The following SKAP1 variants were observed in gnomAD, a reference collection of about 807,000 sequenced individuals.
The protein encoded by SKAP1 is src kinase associated phosphoprotein 1, also known as src kinase-associated phosphoprotein 1.
A neutral mutation model predicts 58.5 loss-of-function variants in SKAP1; 44 were observed. That is an observed-to-expected ratio of 0.75 (90% CI 0.59 to 0.97). The LOEUF is 0.97. Ranked by LOEUF, SKAP1 falls within the 50% of genes least tolerant of loss-of-function variation. The probability of loss-of-function intolerance (pLI) is 0.00; values close to 1 mark genes in which losing one functional copy is unlikely to be tolerated. For missense variants in SKAP1, 390 were observed against 435.2 expected, an observed-to-expected ratio of 0.90 and a Z score of 0.92; for synonymous variants, 127 against 149.7, an observed-to-expected ratio of 0.85 and a Z score of 1.11.
chr17:48,439,321 C>A, the SKAP1 span, among the ~76,000 whole-genome samples: 1 of 152,238 alleles, frequency 6.6e-6, no homozygotes, highest in Non-Finnish European at 1.5e-5. Flanking sequence ...TGAGGCCATC[C>A]ACTTAATGAC....
At chr17:48,346,118 T>A in intron 3 of SKAP1, 112 bp from the exon 4 acceptor site, 1 of 558,916 alleles carries the variant, frequency 1.8e-6, no homozygotes. Flanking sequence ...GAAAAAAAAG[T>A]GTATCTTTTA....
intron 2 of SKAP1, among the ~76,000 whole-genome samples, chr17:48,369,771 C>A (rs2067059754): frequency 6.6e-6 from 1 of 152,166 alleles, no homozygotes; most frequent in Admixed American, 6.5e-5. Flanking sequence ...ACTTACCCAT[C>A]ATAAGAAAGC....
chr17:48,272,786 A>C (rs530821446), intron 4 of SKAP1, among the ~76,000 whole-genome samples: 1 of 152,094 alleles, frequency 6.6e-6, no homozygotes, highest in Admixed American at 6.5e-5. Flanking sequence ...CGAACTCCTG[A>C]GCTCAAGCGA....
intron 4 of SKAP1, among the ~76,000 whole-genome samples, chr17:48,286,922 CCT>C (rs1381649291): frequency 6.6e-6 from 1 of 152,032 alleles, no homozygotes; most frequent in Non-Finnish European, 1.5e-5. Flanking sequence ...ATAGTGAAAC[CCT>C]GTCTCTACTA....
At chr17:48,315,277 G>A (rs545468777) in intron 4 of SKAP1, among the ~76,000 whole-genome samples, 1 of 152,300 alleles carries the variant, frequency 6.6e-6, no homozygotes, top group South Asian at 2.1e-4. Flanking sequence ...GGTTGAGCAT[G>A]CTCTGAAATG....
At chr17:48,356,578 G>T (rs1270380255) in intron 3 of SKAP1, among the ~76,000 whole-genome samples, 2 of 151,970 alleles carry the variant, frequency 1.3e-5, no homozygotes, top group Non-Finnish European at 2.9e-5. Context: ...CTGTGTGTGT[G>T]GCATATGTAT....
chr17:48,253,774 G>A (rs2065393736), intron 4 of SKAP1, among the ~76,000 whole-genome samples: 1 of 152,088 alleles, frequency 6.6e-6, no homozygotes, highest in Non-Finnish European at 1.5e-5. Flanking sequence ...CCAAGGGGAG[G>A]AAAGGACCAG....
intron 4 of SKAP1, among the ~76,000 whole-genome samples, chr17:48,202,888 G>A (rs575028340): frequency 6.6e-6 from 1 of 152,270 alleles, no homozygotes. Context: ...CTGCTACACT[G>A]TGGTTGGATG....
chr17:48,401,923 GTAA>G (rs1386226776), intron 1 of SKAP1, among the ~76,000 whole-genome samples: 2 of 152,112 alleles, frequency 1.3e-5, no homozygotes, highest in Non-Finnish European at 2.9e-5. Flanking sequence ...TTATATTTCA[GTAA>G]TAATAAGACA....
At chr17:48,342,482 T>TACTGCC (rs1412685077) in intron 4 of SKAP1, among the ~76,000 whole-genome samples, 2 of 127,174 alleles carry the variant, frequency 1.6e-5, no homozygotes, top group African/African-American at 6.8e-5. Context: ...GCAGCATGCT[T>TACTGCC]CTATATTCTT....
At chr17:48,386,396 A>C (rs2067277295) in intron 2 of SKAP1, among the ~76,000 whole-genome samples, 1 of 151,466 alleles carries the variant, frequency 6.6e-6, no homozygotes, top group Non-Finnish European at 1.5e-5. Context: ...AGTTCTGAGA[A>C]ACTGAATTTA....
intron 1 of SKAP1, among the ~76,000 whole-genome samples, chr17:48,417,298 TA>T (rs1598680423): frequency 6.6e-6 from 1 of 152,148 alleles, no homozygotes; most frequent in East Asian, 1.9e-4. Flanking sequence ...AAAATGAAAA[TA>T]CCTATATACT....
At chr17:48,279,694 T>A (rs1471591553) in intron 4 of SKAP1, among the ~76,000 whole-genome samples, 1 of 152,228 alleles carries the variant, frequency 6.6e-6, no homozygotes, top group Non-Finnish European at 1.5e-5. Flanking sequence ...ACATGTTAAT[T>A]CGAGGGCTGT....
intron 2 of SKAP1, among the ~76,000 whole-genome samples, chr17:48,383,143 C>T (rs1024373182): frequency 1.3e-5 from 2 of 152,218 alleles, no homozygotes; most frequent in Non-Finnish European, 1.5e-5. Context: ...CTATAATCCT[C>T]ACCCGGCTTT....
At chr17:48,440,466 T>C in the SKAP1 span, among the ~76,000 whole-genome samples, 1 of 152,166 alleles carries the variant, frequency 6.6e-6, no homozygotes, top group Non-Finnish European at 1.5e-5. Flanking sequence ...GACTGTCCCT[T>C]ATACAAAGAG....
At chr17:48,403,696 G>C (rs2067531741) in intron 1 of SKAP1, among the ~76,000 whole-genome samples, 1 of 152,120 alleles carries the variant, frequency 6.6e-6, no homozygotes, top group Non-Finnish European at 1.5e-5. Flanking sequence ...TCAAGATGTT[G>C]GTTTGGCCAT....
intron 4 of SKAP1, among the ~76,000 whole-genome samples, chr17:48,319,537 A>G (rs536925467): frequency 4.5e-4 from 68 of 152,298 alleles, no homozygotes; most frequent in Non-Finnish European, 8.8e-4. Flanking sequence ...CCATAGCTTG[A>G]CTGGACCAGT....
chr17:48,220,852 C>CAAAAAAAAAAAAA (rs56006389), intron 4 of SKAP1, among the ~76,000 whole-genome samples: 13 of 83,658 alleles, frequency 1.6e-4, no homozygotes, highest in African/African-American at 3.3e-4. Flanking sequence ...GACTCCATCT[C>CAAAAAAAAAAAAA]AAAAAAAAAA....
intron 1 of SKAP1, among the ~76,000 whole-genome samples, chr17:48,402,930 A>G (rs2067519013): frequency 6.6e-6 from 1 of 152,190 alleles, no homozygotes; most frequent in Admixed American, 6.6e-5. Context: ...AGTGAAGGCT[A>G]AGAGGTTCAG....
Sources: allele counts gnomAD v4.1 joint callset (sites outside exome capture counted in the v4.1 genomes callset), GRCh38; gene constraint gnomAD v4.1.1; transcripts MANE v1.5; gene names NCBI Gene and HGNC (gene_info 2026-07-23, HGNC 2026-07-21).